Variants in ZDHHC2 observed in about 807,000 individuals in gnomAD.
ZDHHC2 encodes palmitoyltransferase ZDHHC2.
Under a neutral mutation model 55.6 loss-of-function variants are expected in ZDHHC2, and 51 were observed. The observed-to-expected ratio is 0.92, with a 90% CI of 0.73 to 1.16. The LOEUF is 1.16. ZDHHC2 is among the 50% of genes most tolerant of loss of function. The pLI, the probability that ZDHHC2 is intolerant of heterozygous loss-of-function variation, is 0.00. For synonymous variants in ZDHHC2, 199 were observed against 152.9 expected, an observed-to-expected ratio of 1.30 and a Z score of -2.22; for missense variants, 491 against 442.4, an observed-to-expected ratio of 1.11 and a Z score of -0.99.
At chr8:17,219,450 T>C (rs1352253941) in intron 12 of ZDHHC2, among the ~76,000 whole-genome samples, 39 of 151,764 alleles carry the variant, frequency 2.6e-4, no homozygotes, top group African/African-American at 9.4e-4. Flanking sequence ...ACCTTTCCTA[T>C]CATATGGTAT....
rs766999531 is a variant in ZDHHC2 at position 17,215,323 on chromosome 8, G to A, written c.1037G>A (p.Ser346Asn). The change falls in exon 11 of 13, where the codon AGC becomes AAC. Residue 346 changes from serine to asparagine, a missense_variant. Physicochemically the swap from Ser to Asn is conservative, Grantham distance 46. Coordinates refer to ENST00000262096, the MANE Select transcript of ZDHHC2 (RefSeq NM_016353.5). ...LTDSQSWTES[S>N]INPGKCKAGM... is the part of the protein sequence containing the mutation. ...GATTCTCAGTCTTGGACGGAGAGCAGCATAAACCCAGGAAAATGCAAAGCT... is the reference window on the plus strand; with the variant it reads ...GATTCTCAGTCTTGGACGGAGAGCAACATAAACCCAGGAAAATGCAAAGCT... The A allele has an allele frequency of 3.8e-6, 6 of 1,588,596 alleles. No homozygotes were observed. The highest frequency in any genetic ancestry group is 2.3e-5 in the South Asian group (2 of 86,770).
intron 1 of ZDHHC2, among the ~76,000 whole-genome samples, chr8:17,182,648 CAATAAT>C (rs146871176): frequency 0.09 from 13,589 of 151,368 alleles, 701 homozygotes; most frequent in South Asian, 0.19. Flanking sequence ...CTGTGAATGG[CAATAAT>C]AATAATAATA....
At chr8:17,177,841 G>T (rs10097235) in intron 1 of ZDHHC2, among the ~76,000 whole-genome samples, 31,164 of 151,710 alleles carry the variant, frequency 0.21, 5,103 homozygotes, top group East Asian at 0.55. Context: ...GCTGGAAATT[G>T]CATAGTGGTT....
chr8:17,179,671 G>A (rs545233730), intron 1 of ZDHHC2, among the ~76,000 whole-genome samples: 4 of 152,268 alleles, frequency 2.6e-5, no homozygotes, highest in African/African-American at 7.2e-5. Context: ...TTGGCCTCCC[G>A]AAGTGCTGGC....
intron 7 of ZDHHC2, 73 bp from the exon 8 acceptor site, chr8:17,207,887 C>A (rs1585731562): frequency 8.6e-7 from 1 of 1,169,098 alleles, no homozygotes; most frequent in Non-Finnish European, 1.1e-6. Flanking sequence ...AAAAATCTTA[C>A]TAATTTACTT....
At chr8:17,169,350 T>C in intron 1 of ZDHHC2, among the ~76,000 whole-genome samples, 1 of 151,802 alleles carries the variant, frequency 6.6e-6, no homozygotes, top group East Asian at 1.9e-4. Context: ...TACTGGGTAG[T>C]GTGTTCCTTA....
intron 8 of ZDHHC2, among the ~76,000 whole-genome samples, chr8:17,209,672 TATTTTCTG>T (rs1224106007): frequency 6.6e-6 from 1 of 152,186 alleles, no homozygotes. Context: ...TGCTAGTTTG[TATTTTCTG>T]ATTTTCTACA....
At chr8:17,159,893 C>G (rs1804250528) in intron 1 of ZDHHC2, among the ~76,000 whole-genome samples, 1 of 152,178 alleles carries the variant, frequency 6.6e-6, no homozygotes, top group South Asian at 2.1e-4. Flanking sequence ...TCCCCTGTCC[C>G]TCCTGTCCCT....
intron 10 of ZDHHC2, among the ~76,000 whole-genome samples, chr8:17,214,293 A>G (rs996908524): frequency 2.0e-5 from 3 of 152,208 alleles, no homozygotes; most frequent in Non-Finnish European, 4.4e-5. Flanking sequence ...CAGACTGAAC[A>G]TTGGGTTTGT....
chr8:17,162,229 T>G (rs1303286623), intron 1 of ZDHHC2, among the ~76,000 whole-genome samples: 1 of 152,216 alleles, frequency 6.6e-6, no homozygotes, highest in African/African-American at 2.4e-5. Context: ...GAAAAACATT[T>G]AAGGCAATTA....
In ZDHHC2 at chr8:17,221,767, A is replaced by G. The variant is rs941425900; in HGVS notation, c.*1546A>G. ...ACAATAGAAATATCTGCAGTCTTTC[A>G]CAGATTTGTATTATGCTGAAGAGTT... is the stretch of plus-strand genomic sequence containing the variant. On this transcript the variant is annotated 3_prime_UTR_variant, in exon 13 of 13. Coordinates refer to ENST00000262096, the MANE Select transcript of ZDHHC2 (RefSeq NM_016353.5). 1.3e-5 allele frequency: 2 copies of G among 152,500 alleles called. No homozygotes were observed. Among genetic ancestry groups the G allele is most frequent in the African/African-American group, 4.8e-5 (2 of 41,446 alleles). 9.4% of individuals were successfully genotyped at this position (152,500 alleles called of 1,614,324 possible).
intron 1 of ZDHHC2, among the ~76,000 whole-genome samples, chr8:17,172,325 C>T (rs778814055): frequency 6.6e-6 from 1 of 152,178 alleles, no homozygotes; most frequent in Non-Finnish European, 1.5e-5. Flanking sequence ...TAATTCGTCT[C>T]AAAGTGTGGC....
At chr8:17,190,703 T>C (rs1027199989) in intron 3 of ZDHHC2, among the ~76,000 whole-genome samples, 1 of 152,036 alleles carries the variant, frequency 6.6e-6, no homozygotes, top group Non-Finnish European at 1.5e-5. Flanking sequence ...CTGAATTTCT[T>C]TGTAGTTAAA....
intron 6 of ZDHHC2, among the ~76,000 whole-genome samples, chr8:17,200,441 G>A (rs553820387): frequency 6.6e-6 from 1 of 152,258 alleles, no homozygotes; most frequent in African/African-American, 2.4e-5. Context: ...CCTCCTTTCT[G>A]GATAACTGTA....
At chr8:17,172,467 A>G (rs1375093611) in intron 1 of ZDHHC2, among the ~76,000 whole-genome samples, 1 of 152,180 alleles carries the variant, frequency 6.6e-6, no homozygotes, top group Non-Finnish European at 1.5e-5. Context: ...TAGTGGGTAC[A>G]AAGTTTCAGG....
chr8:17,183,051 C>T (rs112873314), intron 1 of ZDHHC2, among the ~76,000 whole-genome samples: 5,261 of 152,238 alleles, frequency 0.035, 287 homozygotes, highest in African/African-American at 0.11. Flanking sequence ...TGTGAGCCAC[C>T]GTGCCCAGCC....
chr8:17,217,625 C>A (rs1468498559), intron 12 of ZDHHC2, among the ~76,000 whole-genome samples: 1 of 151,966 alleles, frequency 6.6e-6, no homozygotes, highest in Non-Finnish European at 1.5e-5. Context: ...GTGGTCATAT[C>A]CTTGACCATC....
chr8:17,222,320 T>C lies in ZDHHC2; in HGVS notation c.*2099T>C, dbSNP rs1563176443. On this transcript the variant is annotated 3_prime_UTR_variant, in exon 13 of 13. Coordinates refer to ENST00000262096, the MANE Select transcript of ZDHHC2 (RefSeq NM_016353.5). ...TCTTTGGAGATGATTGCATATCTCA[T>C]TAGATATGCAATATAAATTTATCTG... 6.6e-6 allele frequency: 1 copy of C among 151,768 alleles called. No homozygotes were observed. Among genetic ancestry groups the C allele is most frequent in the Non-Finnish European group, 1.5e-5 (1 of 67,766 alleles). 9.4% of individuals were successfully genotyped at this position (151,768 alleles called of 1,614,324 possible).
chr8:17,215,234 C>G lies in ZDHHC2; in HGVS notation c.951-3C>G. ...TTTTGATGATTATTCAATTATTATT[C>G]AGTCTCGAAAACCATCAGTTTCCTG... On this transcript the variant is annotated splice_region_variant and splice_polypyrimidine_tract_variant and intron_variant, in intron 10 of 12. Coordinates refer to ENST00000262096, the MANE Select transcript of ZDHHC2 (RefSeq NM_016353.5). The G allele has an allele frequency of 6.4e-7, 1 of 1,570,966 alleles. No individual in the cohort carries two copies. Among genetic ancestry groups the G allele is most frequent in the Middle Eastern group, 1.7e-4 (1 of 5,988 alleles).
Sources: gnomAD v4.1 joint callset for allele counts (sites outside exome capture counted in the v4.1 genomes callset) on GRCh38, gnomAD v4.1.1 for gene constraint, MANE v1.5 for transcripts, NCBI Gene and HGNC (gene_info 2026-07-23, HGNC 2026-07-21) for gene names.